PDE5A: variants seen among roughly 807,000 people sequenced by gnomAD.
PDE5A encodes the protein cGMP-specific 3',5'-cyclic phosphodiesterase.
In PDE5A, 67 loss-of-function variants were observed where a neutral mutation model predicts 110.2. That is an observed-to-expected ratio of 0.61 (90% CI 0.50 to 0.75). The LOEUF (loss-of-function observed/expected upper bound fraction) is 0.75, where lower values mean the gene tolerates loss of function less well. Ranked by LOEUF, PDE5A falls within the 30% of genes least tolerant of loss-of-function variation. PDE5A has a pLI of 0.00. For missense variants in PDE5A, 862 were observed against 1,045.1 expected (o/e 0.82, Z 2.42); for synonymous variants, 328 against 351.2 (o/e 0.93, Z 0.74).
chr4:119,536,796 C>A (rs1726739787), intron 11 of PDE5A, among the ~76,000 whole-genome samples: 1 of 152,070 alleles, frequency 6.6e-6, no homozygotes, highest in Non-Finnish European at 1.5e-5. Flanking sequence ...GCTCTGGATC[C>A]AGACTGCCTG....
At chr4:119,621,532 T>G (rs1730141059) in intron 1 of PDE5A, among the ~76,000 whole-genome samples, 1 of 151,948 alleles carries the variant, frequency 6.6e-6, no homozygotes. Context: ...GATACATGGA[T>G]AGATGAATAC....
At chr4:119,570,453 T>C (rs1037700232) in intron 3 of PDE5A, among the ~76,000 whole-genome samples, 1 of 152,204 alleles carries the variant, frequency 6.6e-6, no homozygotes, top group Non-Finnish European at 1.5e-5. Context: ...ACGCTATTTC[T>C]GTAAAAGCGC....
At chr4:119,610,093 T>G (rs1160130732) in intron 1 of PDE5A, among the ~76,000 whole-genome samples, 1 of 152,192 alleles carries the variant, frequency 6.6e-6, no homozygotes, top group Admixed American at 6.5e-5. Context: ...AAACATATAA[T>G]TGTCCTAATG....
At chr4:119,628,478 G>T in intron 1 of PDE5A, 42 bp downstream of exon 1, 1 of 1,481,648 alleles carries the variant, frequency 6.7e-7, no homozygotes, top group Non-Finnish European at 9.2e-7. Flanking sequence ...TTCAACAGGG[G>T]AGAGAAATCA....
chr4:119,510,985 A>G (rs1725723810), intron 15 of PDE5A, 62 bp downstream of exon 15: 1 of 1,040,768 alleles, frequency 9.6e-7, no homozygotes, highest in Admixed American at 2.0e-5. Flanking sequence ...CAAGAACTAA[A>G]AATAAAACTG....
rs1725599478 is a variant in PDE5A at position 119,507,640 on chromosome 4, T to G, written c.2153A>C (p.Gln718Pro). 6.3e-7 allele frequency: 1 copy of G among 1,581,718 alleles called. No individual in the cohort carries two copies. Among genetic ancestry groups the G allele is most frequent in the Admixed American group, 1.9e-5 (1 of 51,664 alleles). The change falls in exon 16 of 21, where the codon CAA becomes CCA. Residue 718 changes from glutamine (Q) to proline (P), a missense_variant. Gln to Pro is a moderately conservative substitution (Grantham distance 76). Transcript: ENST00000354960. ...EYKTTLKIIKQAILATDLALY... is the reference protein window; with the variant it reads ...EYKTTLKIIKPAILATDLALY... The stretch of plus-strand genomic sequence containing the variant: ...TGCTAGGTCTGTAGCTAAAATAGCT[T>G]GCTTGATTATTTTCAACGTGGTCTT...
At chr4:119,563,607 A>G (rs1353234339) in intron 5 of PDE5A, among the ~76,000 whole-genome samples, 2 of 152,178 alleles carry the variant, frequency 1.3e-5, no homozygotes, top group African/African-American at 4.8e-5. Context: ...TCAGGCAAAA[A>G]TAATAGAATT....
At chr4:119,519,770 A>G (rs964403630) in intron 13 of PDE5A, 3 of 152,114 alleles carry the variant, frequency 2.0e-5, no homozygotes, top group African/African-American at 7.2e-5. Flanking sequence ...AACAAACACA[A>G]AAATCATCAT....
At chr4:119,600,998 A>G (rs1729324274) in intron 2 of PDE5A, among the ~76,000 whole-genome samples, 1 of 152,194 alleles carries the variant, frequency 6.6e-6, no homozygotes, top group Non-Finnish European at 1.5e-5. Flanking sequence ...TATAAGATAC[A>G]CTACGAAGGT....
At chr4:119,565,994 AATT>A (rs1283160514) in intron 4 of PDE5A, among the ~76,000 whole-genome samples, 1 of 149,540 alleles carries the variant, frequency 6.7e-6, no homozygotes, top group African/African-American at 2.4e-5. Flanking sequence ...TAATAGTATT[AATT>A]ATTGATTGAA....
intron 7 of PDE5A, among the ~76,000 whole-genome samples, chr4:119,558,153 C>T (rs889759687): frequency 1.3e-5 from 2 of 152,160 alleles, no homozygotes; most frequent in Admixed American, 1.3e-4. Flanking sequence ...AACTTCCCAC[C>T]ATGTGGAAAT....
At chr4:119,523,795 CCA>C (rs1311007124) in intron 12 of PDE5A, among the ~76,000 whole-genome samples, 4 of 151,970 alleles carry the variant, frequency 2.6e-5, no homozygotes, top group African/African-American at 9.7e-5. Context: ...TCTACTCTAG[CCA>C]AGTCCTTTCA....
At position 119,495,424 on chromosome 4, in the gene PDE5A, C is replaced by T. The variant is rs201896070; in HGVS notation, c.*3177G>A. On this transcript the variant is annotated 3_prime_UTR_variant, in exon 21 of 21. Coordinates refer to ENST00000354960, the MANE Select transcript of PDE5A (RefSeq NM_001083.4). ...ATAACGATGACATTTTGTATCCTCT[C>T]ATATTAAATCAATCTTGTAAACAAA... is the stretch of plus-strand genomic sequence containing the variant. 2 of 152,292 alleles carry T rather than the reference C, an allele frequency of 1.3e-5. No individual in the cohort carries two copies. The highest frequency in any genetic ancestry group is 2.9e-5 in the Non-Finnish European group (2 of 67,998). 9.4% of individuals were successfully genotyped at this position (152,292 alleles called of 1,614,324 possible). A position where few individuals can be genotyped will look rare whatever the true frequency, so the allele number is the denominator to read the frequency against.
chr4:119,518,103 T>G (rs1725982196), intron 14 of PDE5A, among the ~76,000 whole-genome samples: 2 of 152,080 alleles, frequency 1.3e-5, no homozygotes, highest in Admixed American at 6.5e-5. Flanking sequence ...TACATGAAGT[T>G]TTCCATTTAT....
chr4:119,533,197 A>G (rs1263299581), intron 11 of PDE5A, among the ~76,000 whole-genome samples: 1 of 152,178 alleles, frequency 6.6e-6, no homozygotes, highest in Non-Finnish European at 1.5e-5. Flanking sequence ...AATTATTTTT[A>G]TTATATATTT....
At chr4:119,572,283 C>A (rs896721445) in intron 3 of PDE5A, among the ~76,000 whole-genome samples, 1 of 152,286 alleles carries the variant, frequency 6.6e-6, no homozygotes, top group South Asian at 2.1e-4. Context: ...CATTATTTTA[C>A]ATGTACTCAA....
chr4:119,586,687 T>A (rs1728776748), intron 3 of PDE5A, among the ~76,000 whole-genome samples: 3 of 152,182 alleles, frequency 2.0e-5, no homozygotes, highest in African/African-American at 7.2e-5. Context: ...TAATACCCAT[T>A]ATTCAGGGAC....
chr4:119,500,056 C>T (rs7687843), intron 20 of PDE5A: 40,266 of 151,620 alleles, frequency 0.27, 5,456 homozygotes, highest in East Asian at 0.38. Flanking sequence ...ATGGAGAAAA[C>T]TCAAAAGAGC....
intron 14 of PDE5A, among the ~76,000 whole-genome samples, chr4:119,517,860 A>G (rs894132076): frequency 2.6e-5 from 4 of 152,082 alleles, no homozygotes; most frequent in African/African-American, 9.7e-5. Context: ...TGTACTATAC[A>G]TCTTTTCATA....
Sources: gnomAD v4.1 joint callset for allele counts (sites outside exome capture counted in the v4.1 genomes callset) on GRCh38, gnomAD v4.1.1 for gene constraint, MANE v1.5 for transcripts, NCBI Gene and HGNC (gene_info 2026-07-23, HGNC 2026-07-21) for gene names.